CSMD1: variants seen among roughly 807,000 people sequenced by gnomAD.
CSMD1 encodes CUB and Sushi multiple domains 1.
In CSMD1, 213 loss-of-function variants were observed where a neutral mutation model predicts 417.5. The ratio of observed to expected loss-of-function variants is 0.51; its 90% CI spans 0.46 to 0.57. CSMD1 has a LOEUF of 0.57. CSMD1 is among the 20% of genes least tolerant of loss of function. The probability of loss-of-function intolerance (pLI) is 0.00; values close to 1 mark genes in which losing one functional copy is unlikely to be tolerated. For synonymous variants in CSMD1, 2,862 were observed against 1,736.8 expected (o/e 1.65, Z -16.11); for missense variants, 6,923 against 4,529.7 (o/e 1.53, Z -15.17).
intron 1 of CSMD1, among the ~76,000 whole-genome samples, chr8:4,696,404 C>T (rs1468705227): frequency 1.3e-5 from 2 of 152,176 alleles, no homozygotes; most frequent in East Asian, 1.9e-4. Flanking sequence ...AACTCTTTAT[C>T]ACTGAAACAT....
intron 10 of CSMD1, among the ~76,000 whole-genome samples, chr8:3,502,976 G>T (rs1053381807): frequency 1.3e-5 from 2 of 152,102 alleles, no homozygotes; most frequent in Admixed American, 6.5e-5. Context: ...CAGTGGGGAG[G>T]TTGTGCATGT....
chr8:4,916,945 T>C (rs1282652692), intron 1 of CSMD1, among the ~76,000 whole-genome samples: 2 of 152,184 alleles, frequency 1.3e-5, no homozygotes. Flanking sequence ...GTGAGACATG[T>C]CATTAGGCAT....
At chr8:3,020,033 C>T (rs1347082475) in intron 51 of CSMD1, among the ~76,000 whole-genome samples, 2 of 152,218 alleles carry the variant, frequency 1.3e-5, no homozygotes, top group African/African-American at 4.8e-5. Context: ...TCACAGTAAA[C>T]CACAAGAGGC....
At chr8:4,601,113 C>T (rs1008071535) in intron 2 of CSMD1, among the ~76,000 whole-genome samples, 5 of 152,072 alleles carry the variant, frequency 3.3e-5, no homozygotes, top group Admixed American at 6.5e-5. Flanking sequence ...TGCGCCACCA[C>T]GCCTGCTAAT....
At chr8:4,677,282 G>A (rs1355408615) in intron 1 of CSMD1, among the ~76,000 whole-genome samples, 1 of 151,756 alleles carries the variant, frequency 6.6e-6, no homozygotes, top group East Asian at 1.9e-4. Context: ...CAACAATGTA[G>A]TTAGAAATTA....
At chr8:4,318,314 A>C (rs969461497) in intron 3 of CSMD1, among the ~76,000 whole-genome samples, 1 of 152,126 alleles carries the variant, frequency 6.6e-6, no homozygotes, top group African/African-American at 2.4e-5. Context: ...CAAAATCTAA[A>C]ATCTTTACCA....
intron 1 of CSMD1, among the ~76,000 whole-genome samples, chr8:4,912,830 G>C (rs1048421613): frequency 6.6e-6 from 1 of 151,778 alleles, no homozygotes; most frequent in East Asian, 1.9e-4. Context: ...CTGTCTCCTA[G>C]ACTAGAGTGC....
Position 3,802,977 on chromosome 8 carries a change from T to C in CSMD1, c.819-48935A>G, listed in dbSNP as rs1020973311. Among the ~76,000 whole-genome samples the C allele has an allele frequency of 3.3e-5, 5 of 152,226 alleles. No homozygotes were observed. In the South Asian group the frequency reaches 8.3e-4, roughly 25 times the overall value. On this transcript the variant is annotated intron_variant, in intron 5 of 69. Transcript: ENST00000635120. The stretch of plus-strand genomic sequence containing the variant: ...TCAGCCAAAAATGTTCATGATCATG[T>C]TGTAGGGTGAAATATTTATTATTTC...
At chr8:3,203,146 G>T (rs549436560) in intron 31 of CSMD1, among the ~76,000 whole-genome samples, 1 of 152,292 alleles carries the variant, frequency 6.6e-6, no homozygotes, top group South Asian at 2.1e-4. Context: ...GAAAAAAGGA[G>T]GGAAGGGGAT....
chr8:4,259,909 G>A (rs981221239), intron 3 of CSMD1, among the ~76,000 whole-genome samples: 2 of 152,088 alleles, frequency 1.3e-5, no homozygotes, highest in South Asian at 2.1e-4. Context: ...AGTCTCTTCT[G>A]TTGTATAATA....
At chr8:4,920,526 A>T (rs1806365657) in intron 1 of CSMD1, among the ~76,000 whole-genome samples, 1 of 152,158 alleles carries the variant, frequency 6.6e-6, no homozygotes, top group African/African-American at 2.4e-5. Flanking sequence ...TGTCCTCAGA[A>T]ATTACAATGG....
At chr8:4,828,729 CT>C (rs1291569233) in intron 1 of CSMD1, among the ~76,000 whole-genome samples, 4 of 152,144 alleles carry the variant, frequency 2.6e-5, no homozygotes, top group Non-Finnish European at 4.4e-5. Context: ...AACGCTACTA[CT>C]TTTATCATTT....
intron 40 of CSMD1, among the ~76,000 whole-genome samples, chr8:3,145,426 G>T (rs1348448836): frequency 6.6e-6 from 1 of 152,108 alleles, no homozygotes; most frequent in African/African-American, 2.4e-5. Context: ...ACTTGCAAGG[G>T]GATCAGGGTG....
chr8:4,087,955 G>T (rs753854002), intron 3 of CSMD1, among the ~76,000 whole-genome samples: 1 of 152,128 alleles, frequency 6.6e-6, no homozygotes, highest in East Asian at 1.9e-4. Context: ...GCTAAGAACG[G>T]TGGTATCCAA....
At chr8:3,527,283 T>C (rs748961156) in intron 10 of CSMD1, among the ~76,000 whole-genome samples, 1 of 152,188 alleles carries the variant, frequency 6.6e-6, no homozygotes, top group Admixed American at 6.5e-5. Flanking sequence ...ATGGGAGAAA[T>C]CAGCTAATCT....
chr8:2,988,408 A>G (rs1456096422), intron 54 of CSMD1, among the ~76,000 whole-genome samples: 3 of 152,252 alleles, frequency 2.0e-5, no homozygotes, highest in Non-Finnish European at 4.4e-5. Context: ...TATTAGACAA[A>G]GCAGGGAAAC....
intron 1 of CSMD1, among the ~76,000 whole-genome samples, chr8:4,877,358 A>T (rs1037607951): frequency 6.6e-6 from 1 of 152,098 alleles, no homozygotes; most frequent in East Asian, 1.9e-4. Context: ...GTTATTTTAC[A>T]TTTCTGTTTA....
intron 3 of CSMD1, among the ~76,000 whole-genome samples, chr8:4,156,482 G>C (rs969269256): frequency 6.6e-6 from 1 of 152,074 alleles, no homozygotes; most frequent in Non-Finnish European, 1.5e-5. Context: ...GCATTTTTAT[G>C]TCCAATTCTT....
intron 6 of CSMD1, among the ~76,000 whole-genome samples, chr8:3,744,492 CAAAA>C (rs869138281): frequency 4.7e-5 from 1 of 21,368 alleles, no homozygotes; most frequent in Non-Finnish European, 1.5e-4. Flanking sequence ...TTTTTGGAGG[CAAAA>C]ATAAATAAAT....
Sources: gnomAD v4.1 joint callset for allele counts (sites outside exome capture counted in the v4.1 genomes callset) on GRCh38, gnomAD v4.1.1 for gene constraint, MANE v1.5 for transcripts, NCBI Gene and HGNC (gene_info 2026-07-23, HGNC 2026-07-21) for gene names.